The following ERBB4 variants were observed in gnomAD, a reference collection of about 807,000 sequenced individuals.
The protein encoded by ERBB4 is receptor tyrosine-protein kinase erbB-4.
A neutral mutation model predicts 158.0 loss-of-function variants in ERBB4; 42 were observed. That is an observed-to-expected ratio of 0.27 (90% confidence interval 0.21 to 0.34). The LOEUF (loss-of-function observed/expected upper bound fraction) is 0.34. Among genes scored for constraint, ERBB4 ranks in the 10% least tolerant of loss-of-function variants. The pLI, the probability that ERBB4 is intolerant of heterozygous loss-of-function variation, is 1.00. For missense variants in ERBB4, 1,333 were observed against 1,624.1 expected (o/e 0.82, Z 3.08); for synonymous variants, 583 against 558.7 (o/e 1.04, Z -0.61).
At position 212,343,568 on chromosome 2, in the gene ERBB4, G is replaced by A. The variant is rs547429117; in HGVS notation, c.82+194881C>T. On this transcript the variant is annotated intron_variant, in intron 1 of 27. Transcript: ENST00000342788. ...CAGGAAAGAGGGCCAAGAAAGCACA[G>A]ATTCTGACTTGAATAAGTAAAACAC... is the stretch of plus-strand genomic sequence containing the variant. Among the ~76,000 whole-genome samples, 8 of 152,236 alleles carry A rather than the reference G, an allele frequency of 5.3e-5. No homozygotes were observed. The East Asian group carries it at 1.5e-3, about 29-fold the overall frequency.
Position 212,053,647 on chromosome 2 carries a change from T to G in ERBB4, c.234+71105A>C, listed in dbSNP as rs572629478. ...AATAGAAACAGACTCCTTAAAGTGGTTCACAGGGCAGCCTATGATCTGGCC... is the reference window on the plus strand; with the variant it reads ...AATAGAAACAGACTCCTTAAAGTGGGTCACAGGGCAGCCTATGATCTGGCC... On this transcript the variant is annotated intron_variant, in intron 2 of 27. Transcript: ENST00000342788. Among the ~76,000 whole-genome samples, 5 of 152,276 alleles carry G rather than the reference T, an allele frequency of 3.3e-5. No homozygotes were observed. The South Asian group carries it at 1.0e-3, about 32-fold the overall frequency.
chr2:212,493,117 T>C (rs1690368731), intron 1 of ERBB4, among the ~76,000 whole-genome samples: 1 of 151,434 alleles, frequency 6.6e-6, no homozygotes, highest in Non-Finnish European at 1.5e-5. Flanking sequence ...TACTTATAAA[T>C]AATAAAGAAC....
chr2:211,532,494 A>C (rs2066527609), intron 20 of ERBB4, among the ~76,000 whole-genome samples: 1 of 152,068 alleles, frequency 6.6e-6, no homozygotes, highest in Non-Finnish European at 1.5e-5. Context: ...TTTAATGAAA[A>C]GGAAAATTGA....
intron 20 of ERBB4, among the ~76,000 whole-genome samples, chr2:211,526,845 A>G (rs1419791174): frequency 2.0e-5 from 3 of 152,078 alleles, no homozygotes; most frequent in African/African-American, 7.2e-5. Context: ...CTAATCAAGC[A>G]GAAAAAAGAA....
In ERBB4 at chr2:212,538,678, G is replaced by A; in HGVS notation, c.-148C>T. 1 of 606,260 alleles carries A rather than the reference G, an allele frequency of 1.6e-6. No individual in the cohort carries two copies. Among genetic ancestry groups the A allele is most frequent in the Non-Finnish European group, 2.6e-6 (1 of 386,436 alleles). 37.6% of individuals were successfully genotyped at this position (606,260 alleles called of 1,614,324 possible). A position where few individuals can be genotyped will look rare whatever the true frequency, so the allele number is the denominator to read the frequency against. ...CGCGCGCGGTGTGGCGACTCCCAGG[G>A]CGGGCGACCGAGTCCGCGCCCGCGG... On this transcript the variant is annotated 5_prime_UTR_variant, in exon 1 of 28. Coordinates refer to ENST00000342788, the MANE Select transcript of ERBB4 (RefSeq NM_005235.3).
chr2:212,038,220 C>G (rs766076805), intron 2 of ERBB4, among the ~76,000 whole-genome samples: 5 of 151,832 alleles, frequency 3.3e-5, no homozygotes, highest in Non-Finnish European at 7.4e-5. Context: ...ATATAAAATT[C>G]ATTATCCTAG....
intron 20 of ERBB4, among the ~76,000 whole-genome samples, chr2:211,557,239 T>A (rs947195586): frequency 7.9e-5 from 12 of 152,066 alleles, no homozygotes; most frequent in Non-Finnish European, 1.6e-4. Flanking sequence ...CAAAAGGAAT[T>A]GCAAGAAAAA....
chr2:212,286,237 A>G (rs2085957081), intron 1 of ERBB4, among the ~76,000 whole-genome samples: 2 of 152,186 alleles, frequency 1.3e-5, no homozygotes. Flanking sequence ...CATTATTATT[A>G]TGAAATACAA....
chr2:212,376,402 G>A (rs767847758), intron 1 of ERBB4, among the ~76,000 whole-genome samples: 15 of 152,078 alleles, frequency 9.9e-5, no homozygotes, highest in African/African-American at 2.9e-4. Context: ...TTGACTTTCC[G>A]GAAGGCATTT....
chr2:211,962,918 A>AAACT, intron 2 of ERBB4, among the ~76,000 whole-genome samples: 1 of 152,244 alleles, frequency 6.6e-6, no homozygotes, highest in Non-Finnish European at 1.5e-5. Context: ...ATCTGATGTT[A>AAACT]AACTAACACC....
intron 2 of ERBB4, among the ~76,000 whole-genome samples, chr2:212,007,493 T>C (rs1305737380): frequency 6.6e-6 from 1 of 151,862 alleles, no homozygotes; most frequent in Non-Finnish European, 1.5e-5. Flanking sequence ...AAAATCAATA[T>C]TTTTATTCTG....
At chr2:212,192,113 TTATA>T (rs1180057188) in intron 1 of ERBB4, among the ~76,000 whole-genome samples, 2 of 135,166 alleles carry the variant, frequency 1.5e-5, no homozygotes, top group African/African-American at 5.4e-5. Flanking sequence ...ATATTATATA[TTATA>T]TATATTATGT....
intron 3 of ERBB4, among the ~76,000 whole-genome samples, chr2:211,914,886 G>A (rs1393032231): frequency 6.6e-6 from 1 of 151,998 alleles, no homozygotes; most frequent in East Asian, 1.9e-4. Flanking sequence ...GCAGAACAGA[G>A]GAGTAAGCAA....
At chr2:212,174,958 T>G (rs1379633739) in intron 1 of ERBB4, among the ~76,000 whole-genome samples, 1 of 152,042 alleles carries the variant, frequency 6.6e-6, no homozygotes, top group Non-Finnish European at 1.5e-5. Context: ...AAACTACAGT[T>G]ATATCAAACT....
chr2:211,392,408 C>G (rs1244541396), intron 25 of ERBB4, among the ~76,000 whole-genome samples: 5 of 152,050 alleles, frequency 3.3e-5, no homozygotes, highest in Admixed American at 3.3e-4. Context: ...TGGGAAAAGC[C>G]TACTGAGATT....
chr2:212,015,704 TG>T (rs1394279324), intron 2 of ERBB4, among the ~76,000 whole-genome samples: 1 of 152,180 alleles, frequency 6.6e-6, no homozygotes, highest in African/African-American at 2.4e-5. Context: ...TCAACTCACT[TG>T]GGGGTAGTGC....
At chr2:211,732,336 A>T (rs1266015055) in intron 5 of ERBB4, among the ~76,000 whole-genome samples, 1 of 151,616 alleles carries the variant, frequency 6.6e-6, no homozygotes, top group African/African-American at 2.4e-5. Flanking sequence ...TAACATATTT[A>T]AAAAGGCTCT....
chr2:212,094,357 T>C (rs1439757079), intron 2 of ERBB4, among the ~76,000 whole-genome samples: 1 of 132,162 alleles, frequency 7.6e-6, no homozygotes, highest in African/African-American at 2.5e-5. Context: ...ATATGAATAG[T>C]TTTCCAGACA....
chr2:211,432,399 T>C (rs774147215), intron 20 of ERBB4, among the ~76,000 whole-genome samples: 1 of 152,022 alleles, frequency 6.6e-6, no homozygotes, highest in Non-Finnish European at 1.5e-5. Flanking sequence ...ACACAACCAG[T>C]GGGGATACTG....
Sources: allele counts gnomAD v4.1 joint callset (sites outside exome capture counted in the v4.1 genomes callset), GRCh38; gene constraint gnomAD v4.1.1; transcripts MANE v1.5; gene names NCBI Gene and HGNC (gene_info 2026-07-23, HGNC 2026-07-21).